The following ACAD11 variants were observed in gnomAD, a reference collection of about 807,000 sequenced individuals.
ACAD11 encodes the protein acyl-Coenzyme A dehydrogenase family, member 11.
Under a neutral mutation model 102.2 loss-of-function variants are expected in ACAD11, and 83 were observed. The observed-to-expected ratio is 0.81, with a 90% confidence interval of 0.68 to 0.97. ACAD11 has a LOEUF of 0.97. Among genes scored for constraint, ACAD11 ranks in the 50% least tolerant of loss-of-function variants. ACAD11 has a pLI of 0.00. For synonymous variants in ACAD11, 324 were observed against 319.8 expected (o/e 1.01, Z -0.14); for missense variants, 901 against 951.7 (o/e 0.95, Z 0.70).
chr3:132,607,143 T>C (rs1484189801), intron 11 of ACAD11, among the ~76,000 whole-genome samples: 1 of 151,886 alleles, frequency 6.6e-6, no homozygotes, highest in Admixed American at 6.6e-5. Flanking sequence ...AGACCAAAGG[T>C]AGAAAAATCC....
intron 5 of ACAD11, among the ~76,000 whole-genome samples, chr3:132,635,741 A>G (rs1178787776): frequency 6.6e-6 from 1 of 152,212 alleles, no homozygotes; most frequent in Non-Finnish European, 1.5e-5. Context: ...GAATATGTTC[A>G]GAGCTTGGCA....
intron 1 of ACAD11, among the ~76,000 whole-genome samples, chr3:132,659,034 G>A (rs1213762716): frequency 2.6e-5 from 4 of 152,098 alleles, no homozygotes; most frequent in African/African-American, 9.7e-5. Context: ...ATTATCTATT[G>A]TAAAACATCA....
chr3:132,647,129 C>G (rs911352731), intron 1 of ACAD11: 4 of 152,158 alleles, frequency 2.6e-5, no homozygotes, highest in African/African-American at 9.7e-5. Flanking sequence ...TTAAAAGTTT[C>G]TCTTTTGAGG....
intron 13 of ACAD11, among the ~76,000 whole-genome samples, chr3:132,586,297 C>T (rs1276546108): frequency 2.6e-5 from 4 of 152,038 alleles, no homozygotes; most frequent in African/African-American, 9.7e-5. Flanking sequence ...ACAATGAGAA[C>T]ACATGGACAC....
chr3:132,606,501 G>T (rs1347322265), intron 11 of ACAD11, among the ~76,000 whole-genome samples: 2 of 151,988 alleles, frequency 1.3e-5, no homozygotes, highest in South Asian at 2.1e-4. Flanking sequence ...TCATTTACAG[G>T]TTGGAAAAAA....
chr3:132,641,717 G>T (rs967670613), intron 4 of ACAD11, among the ~76,000 whole-genome samples: 2 of 150,996 alleles, frequency 1.3e-5, no homozygotes, highest in African/African-American at 4.9e-5. Context: ...AGAAGAAGAA[G>T]AAGAAGAAGA....
chr3:132,603,202 G>C (rs1213776048), intron 13 of ACAD11, 27 bp downstream of exon 13: 1 of 1,545,600 alleles, frequency 6.5e-7, no homozygotes, highest in Non-Finnish European at 8.9e-7. Context: ...CAGTGTGTTA[G>C]GTGAAAAAAT....
rs185451319 is a variant in ACAD11 at position 132,594,356 on chromosome 3, A to G, written c.1621+8873T>C. ...AAAGAGTATCAAGATTCTATAATAGATGGCATCATAAAATAAAGAGATATA... is the reference window on the plus strand; with the variant it reads ...AAAGAGTATCAAGATTCTATAATAGGTGGCATCATAAAATAAAGAGATATA... On this transcript the variant is annotated intron_variant, in intron 13 of 19. Coordinates refer to ENST00000264990, the MANE Select transcript of ACAD11 (RefSeq NM_032169.5). 5.3e-5 allele frequency among the ~76,000 whole-genome samples: 8 copies of G among 152,298 alleles called. No individual in the cohort carries two copies. In the East Asian group the frequency reaches 1.5e-3, roughly 29 times the overall value.
At chr3:132,612,454 G>GA (rs1297693701) in intron 11 of ACAD11, among the ~76,000 whole-genome samples, 8 of 152,030 alleles carry the variant, frequency 5.3e-5, no homozygotes, top group Middle Eastern at 3.4e-3. Flanking sequence ...CAGAATGGGA[G>GA]AAAATTATTG....
rs368323968 is a variant in ACAD11, at chr3:132,586,914, G to A, written c.1622-7356C>T. On this transcript the variant is annotated intron_variant, in intron 13 of 19. Coordinates refer to ENST00000264990, the MANE Select transcript of ACAD11 (RefSeq NM_032169.5). ...TCGAGACCAGCCTGGCCAACATGGC[G>A]AAACCCCGTCTCTACTAAAAATACA... Among the ~76,000 whole-genome samples, 24 of 152,214 alleles carry A rather than the reference G, an allele frequency of 1.6e-4. No homozygotes were observed. The East Asian group carries it at 1.7e-3, about 11-fold the overall frequency.
chr3:132,612,163 G>A (rs1192118401), intron 11 of ACAD11, among the ~76,000 whole-genome samples: 1 of 152,110 alleles, frequency 6.6e-6, no homozygotes, highest in Non-Finnish European at 1.5e-5. Context: ...GGGAAAACTG[G>A]CTAGCCATAT....
intron 11 of ACAD11, among the ~76,000 whole-genome samples, chr3:132,607,177 C>G (rs931140699): frequency 2.6e-5 from 4 of 152,170 alleles, no homozygotes; most frequent in African/African-American, 9.7e-5. Flanking sequence ...AAAACCAGTG[C>G]AAAAAGGCTG....
chr3:132,578,948 G>A, intron 14 of ACAD11, 67 bp from the exon 15 acceptor site: 1 of 1,600,010 alleles, frequency 6.2e-7, no homozygotes. Context: ...ATAATAAGCA[G>A]AATCACAATT....
At chr3:132,602,463 A>C (rs1249073471) in intron 13 of ACAD11, among the ~76,000 whole-genome samples, 7 of 152,216 alleles carry the variant, frequency 4.6e-5, no homozygotes, top group African/African-American at 1.7e-4. Context: ...CCCATGCATA[A>C]AATGTCCTAT....
chr3:132,637,384 C>T (rs1940314315), intron 5 of ACAD11, among the ~76,000 whole-genome samples: 1 of 151,906 alleles, frequency 6.6e-6, no homozygotes, highest in Non-Finnish European at 1.5e-5. Context: ...GATAAGAAGT[C>T]AAGTGAAGTC....
At chr3:132,631,621 A>C in intron 5 of ACAD11, 142 bp from the exon 6 acceptor site, 278 of 559,908 alleles carry the variant, frequency 5.0e-4, no homozygotes, top group Non-Finnish European at 6.5e-4. Context: ...GGCATATCTC[A>C]TTTATAAAAT....
intron 3 of ACAD11, 61 bp downstream of exon 3, chr3:132,642,616 A>G: frequency 6.8e-7 from 1 of 1,472,396 alleles, no homozygotes; most frequent in South Asian, 1.3e-5. Flanking sequence ...ATAATAAAAC[A>G]TCTTAATTAA....
chr3:132,632,957 G>C (rs1284754178), intron 5 of ACAD11, among the ~76,000 whole-genome samples: 1 of 152,196 alleles, frequency 6.6e-6, no homozygotes, highest in Non-Finnish European at 1.5e-5. Context: ...TTGCTTATCA[G>C]CTTAAGGAGA....
intron 8 of ACAD11, among the ~76,000 whole-genome samples, chr3:132,627,253 G>A (rs1001526344): frequency 2.0e-5 from 3 of 152,076 alleles, no homozygotes; most frequent in Admixed American, 2.0e-4. Flanking sequence ...TGAGGTGGGC[G>A]CCTGTTGGCA....
Sources: allele counts gnomAD v4.1 joint callset (sites outside exome capture counted in the v4.1 genomes callset), GRCh38; gene constraint gnomAD v4.1.1; transcripts MANE v1.5; gene names NCBI Gene and HGNC (gene_info 2026-07-23, HGNC 2026-07-21).